Variants in SHD observed in about 807,000 individuals in gnomAD.
SHD encodes the protein Src homology 2 domain containing transforming protein D, also known as SH2 domain-containing adapter protein D.
SHD carries 29 observed loss-of-function variants against 31.2 expected under a neutral mutation model. The observed-to-expected ratio is 0.93, with a 90% CI of 0.69 to 1.27. SHD has a LOEUF of 1.27. SHD is among the 50% of genes most tolerant of loss of function. SHD has a pLI of 0.00. For synonymous variants in SHD, 208 were observed against 187.8 expected, an observed-to-expected ratio of 1.11 and a Z score of -0.88; for missense variants, 520 against 453.8, an observed-to-expected ratio of 1.15 and a Z score of -1.33.
intron 1 of SHD, among the ~76,000 whole-genome samples, chr19:4,281,025 C>T (rs1971251913): frequency 6.6e-6 from 1 of 151,814 alleles, no homozygotes; most frequent in South Asian, 2.1e-4. Context: ...CTGCTGGGCA[C>T]CTAAATATCC....
chr19:4,284,546 C>A, intron 3 of SHD: 1 of 366,470 alleles, frequency 2.7e-6, no homozygotes, highest in East Asian at 4.3e-5. Flanking sequence ...CCCGTCTAGC[C>A]ACGCCCCTTG....
chr19:4,283,212 A>G lies in SHD; in HGVS notation c.562A>G (p.Lys188Glu), dbSNP rs1342873360. 1.9e-6 allele frequency: 3 copies of G among 1,613,880 alleles called. No individual in the cohort carries two copies. Among genetic ancestry groups the G allele is most frequent in the African/African-American group, 1.3e-5 (1 of 75,036 alleles). ...ADEYDQPWEW[K>E]KDHISRAFAV... ...TGAGTATGATCAGCCCTGGGAGTGG[A>G]AGAAAGACCACATCTCCAGGGCGTT... Residue 188 changes from lysine (K) to glutamate (E), a missense_variant, in exon 3 of 6, where the codon AAG becomes GAG. By Grantham distance (56) the Lys-to-Glu change is moderately conservative. Coordinates refer to ENST00000543264, the MANE Select transcript of SHD (RefSeq NM_020209.4).
chr19:4,281,406 G>A (rs773768588), intron 1 of SHD, among the ~76,000 whole-genome samples: 10 of 134,094 alleles, frequency 7.5e-5, no homozygotes, highest in Non-Finnish European at 1.1e-4. Context: ...TCATGATTGC[G>A]CCACTGCACT....
chr19:4,287,753 C>A (rs1388531720), intron 4 of SHD, among the ~76,000 whole-genome samples: 3 of 151,762 alleles, frequency 2.0e-5, no homozygotes, highest in Non-Finnish European at 4.4e-5. Context: ...CCACTGCACT[C>A]CAACCTGGCA....
At chr19:4,286,381 C>G (rs928702626) in intron 4 of SHD, among the ~76,000 whole-genome samples, 1 of 148,248 alleles carries the variant, frequency 6.7e-6, no homozygotes, top group African/African-American at 2.5e-5. Flanking sequence ...GGGTCTCACT[C>G]TGTTGCCCAG....
At chr19:4,280,494 C>A in intron 1 of SHD, 134 bp downstream of exon 1, 1 of 930,256 alleles carries the variant, frequency 1.1e-6, no homozygotes, top group East Asian at 2.7e-5. Flanking sequence ...CCCAGTCCTC[C>A]AGACCTCCAC....
rs561538223 is a variant in SHD at position 4,285,009 on chromosome 19, A to G, written c.716+105A>G. 2.4e-4 allele frequency: 306 copies of G among 1,291,726 alleles called. No individual in the cohort carries two copies. In the African/African-American group the frequency reaches 4.4e-3, roughly 19 times the overall value. The allele number at this position is 1,291,726 out of a possible 1,614,324, so 80.0% of individuals were successfully genotyped here. A position where few individuals can be genotyped will look rare whatever the true frequency, so the allele number is the denominator to read the frequency against. ...TTTCCCAGATTAGAGGAACTGGGGGAACTTCGATTCATTCATCCACTTATT... is the reference window on the plus strand; with the variant it reads ...TTTCCCAGATTAGAGGAACTGGGGGGACTTCGATTCATTCATCCACTTATT... On this transcript the variant is annotated intron_variant, in intron 4 of 5. Coordinates refer to ENST00000543264, the MANE Select transcript of SHD (RefSeq NM_020209.4).
intron 4 of SHD, among the ~76,000 whole-genome samples, chr19:4,285,452 T>G (rs1298950450): frequency 2.0e-5 from 3 of 152,104 alleles, no homozygotes; most frequent in Admixed American, 2.0e-4. Context: ...CCAGACCATG[T>G]TGTCACAGTC....
intron 3 of SHD, among the ~76,000 whole-genome samples, chr19:4,283,667 C>T (rs970792066): frequency 6.6e-6 from 1 of 152,012 alleles, no homozygotes; most frequent in Non-Finnish European, 1.5e-5. Flanking sequence ...CAAGCTTCGC[C>T]TCCTGGGTTC....
At chr19:4,288,607 T>C (rs1349810753) in intron 5 of SHD, among the ~76,000 whole-genome samples, 1 of 151,848 alleles carries the variant, frequency 6.6e-6, no homozygotes, top group African/African-American at 2.4e-5. Flanking sequence ...ATCGAGGAGG[T>C]CCAGGCCTTG....
chr19:4,284,212 G>C (rs985974727), intron 3 of SHD, among the ~76,000 whole-genome samples: 1 of 152,056 alleles, frequency 6.6e-6, no homozygotes, highest in Non-Finnish European at 1.5e-5. Flanking sequence ...TGAGGTAGGA[G>C]AATTGCTTGA....
intron 3 of SHD, 26 bp downstream of exon 3, chr19:4,283,268 A>T: frequency 6.3e-7 from 1 of 1,593,834 alleles, no homozygotes; most frequent in East Asian, 2.3e-5. Context: ...ACACTCTGAC[A>T]TCTGAATGCC....
chr19:4,285,652 C>A (rs1599513929), intron 4 of SHD, among the ~76,000 whole-genome samples: 1 of 151,474 alleles, frequency 6.6e-6, no homozygotes, highest in Admixed American at 6.6e-5. Context: ...CAGGTTCAAG[C>A]GATTCTCATG....
intron 3 of SHD, 70 bp downstream of exon 3, chr19:4,283,312 C>T: frequency 6.8e-7 from 1 of 1,480,480 alleles, no homozygotes; most frequent in Middle Eastern, 1.9e-4. Context: ...GTCATGTCTC[C>T]TGTTTCAGTT....
rs1021098571 is a variant in SHD, at chr19:4,283,342, A to G, written c.592+100A>G. 2.5e-5 allele frequency: 30 copies of G among 1,222,244 alleles called. No individual in the cohort carries two copies. The East Asian group carries it at 7.6e-4, about 31-fold the overall frequency. 75.7% of individuals were successfully genotyped at this position (1,222,244 alleles called of 1,614,324 possible). ...TCAGTTTACAAAGTAGAGTCCAATTACTTGTCACTTTTGTAGTTTGTTAAT... is the reference window on the plus strand; with the variant it reads ...TCAGTTTACAAAGTAGAGTCCAATTGCTTGTCACTTTTGTAGTTTGTTAAT... On this transcript the variant is annotated intron_variant, in intron 3 of 5. Transcript: ENST00000543264.
intron 5 of SHD, among the ~76,000 whole-genome samples, chr19:4,289,133 CGG>C (rs1971349933): frequency 9.4e-6 from 1 of 106,288 alleles, no homozygotes; most frequent in Admixed American, 1.3e-4. Flanking sequence ...TTTTTTGAGA[CGG>C]AGTCTAGCTC....
Position 4,279,778 on chromosome 19 carries a change from G to A in SHD, c.-286G>A, listed in dbSNP as rs1487884881. 3 of 452,364 alleles carry A rather than the reference G, an allele frequency of 6.6e-6. No homozygotes were observed. Among genetic ancestry groups the A allele is most frequent in the East Asian group, 7.7e-5 (2 of 25,950 alleles). The allele number at this position is 452,364 out of a possible 1,614,324, so 28.0% of individuals were successfully genotyped here. A position where few individuals can be genotyped will look rare whatever the true frequency, so the allele number is the denominator to read the frequency against. The stretch of plus-strand genomic sequence containing the variant: ...CTCGCCCTAGCCCCCAGCGCGCGGG[G>A]TTCGGGGCCCTGCGAGGTCCCCCCT... On this transcript the variant is annotated 5_prime_UTR_variant, in exon 1 of 6. Transcript: ENST00000543264. This position sits in a 1 kb window ranked among gnomAD's most constrained non-coding sequence, Gnocchi z 7.5.
In SHD at chr19:4,283,177, G is replaced by A. The variant is rs1971274646; in HGVS notation, c.527G>A (p.Arg176Gln). 1 of 1,614,088 alleles carries A rather than the reference G, an allele frequency of 6.2e-7. No individual in the cohort carries two copies. Among genetic ancestry groups the A allele is most frequent in the Non-Finnish European group, 8.5e-7 (1 of 1,180,028 alleles). The change falls in exon 3 of 6, where the codon CGG (arginine) becomes CAG (glutamine). Residue 176 changes from arginine (R) to glutamine (Q), a missense_variant. Arg to Gln is a conservative substitution (Grantham distance 43). Coordinates refer to ENST00000543264, the MANE Select transcript of SHD (RefSeq NM_020209.4). The stretch of plus-strand genomic sequence containing the variant: ...AGCCGGATGCCCCAGGAAGATGAAC[G>A]GCCAGCAGATGAGTATGATCAGCCC... ...RQSRMPQEDE[R>Q]PADEYDQPWE... is the part of the protein sequence containing the mutation.
chr19:4,284,811 C>T lies in SHD; in HGVS notation c.623C>T (p.Thr208Ile), dbSNP rs1484576080. ...TTTGACAGTCCAGAGTGGGAGAGGACTCCAGGCTCAGCCAAGGAGCTCCGG... is the reference window on the plus strand; with the variant it reads ...TTTGACAGTCCAGAGTGGGAGAGGATTCCAGGCTCAGCCAAGGAGCTCCGG... ...VQFDSPEWERTPGSAKELRRP... is the reference protein window; with the variant it reads ...VQFDSPEWERIPGSAKELRRP... The change falls in exon 4 of 6, where the codon ACT becomes ATT. Residue 208 changes from threonine (T) to isoleucine (I), a missense_variant. By Grantham distance (89) the Thr-to-Ile change is moderately conservative (BLOSUM62 -1). Transcript: ENST00000543264. 6.2e-7 allele frequency: 1 copy of T among 1,612,896 alleles called. No homozygotes were observed. Among genetic ancestry groups the T allele is most frequent in the South Asian group, 1.1e-5 (1 of 90,838 alleles).
Sources: gnomAD v4.1 joint callset for allele counts (sites outside exome capture counted in the v4.1 genomes callset) on GRCh38, gnomAD v4.1.1 for gene constraint, Gnocchi (gnomAD v3.1) non-coding constraint, MANE v1.5 for transcripts, NCBI Gene and HGNC (gene_info 2026-07-23, HGNC 2026-07-21) for gene names.